GTSE1: variants seen among roughly 807,000 people sequenced by gnomAD.
GTSE1 encodes the protein G2 and S phase-expressed protein 1.
GTSE1 carries 52 observed loss-of-function variants against 60.5 expected under a neutral mutation model. The ratio of observed to expected loss-of-function variants is 0.86; its 90% CI spans 0.69 to 1.08. The LOEUF (loss-of-function observed/expected upper bound fraction) is 1.08. GTSE1 is among the 50% of genes least tolerant of loss of function. The pLI is 0.00. For synonymous variants in GTSE1, 368 were observed against 386.5 expected (o/e 0.95, Z 0.56); for missense variants, 937 against 961.8 (o/e 0.97, Z 0.34).
intron 8 of GTSE1, among the ~76,000 whole-genome samples, 176 bp from the exon 9 acceptor site, chr22:46,326,260 G>C (rs765003259): frequency 2.0e-4 from 30 of 152,184 alleles, no homozygotes; most frequent in African/African-American, 6.5e-4. Flanking sequence ...GTAGCAGCTC[G>C]GAGCCTTGCC....
intron 2 of GTSE1, among the ~76,000 whole-genome samples, chr22:46,303,696 T>G (rs542765696): frequency 6.6e-6 from 1 of 152,342 alleles, no homozygotes; most frequent in East Asian, 1.9e-4. Context: ...GGTGTGCTAT[T>G]CATGAGCATT....
At chr22:46,303,196 G>A (rs180819631) in intron 2 of GTSE1, among the ~76,000 whole-genome samples, 25 of 152,056 alleles carry the variant, frequency 1.6e-4, no homozygotes, top group East Asian at 1.5e-3. Flanking sequence ...CACCCTGCCC[G>A]GTCTACTTTC....
intron 2 of GTSE1, among the ~76,000 whole-genome samples, chr22:46,305,008 G>T (rs1312208991): frequency 6.6e-6 from 1 of 152,206 alleles, no homozygotes; most frequent in Non-Finnish European, 1.5e-5. Flanking sequence ...TTATGCTGAT[G>T]TAAGTAAGGC....
chr22:46,312,386 T>C, intron 5 of GTSE1, 81 bp downstream of exon 5: 1 of 1,412,220 alleles, frequency 7.1e-7, no homozygotes, highest in Non-Finnish European at 9.6e-7. Flanking sequence ...TGGATTAAAA[T>C]CCCAGCATTT....
At chr22:46,302,550 C>T (rs900359733) in intron 2 of GTSE1, among the ~76,000 whole-genome samples, 2 of 151,966 alleles carry the variant, frequency 1.3e-5, no homozygotes, top group African/African-American at 2.4e-5. Flanking sequence ...TTTGTACAGA[C>T]AAGGTCTCCC....
chr22:46,303,014 A>G (rs1419531442), intron 2 of GTSE1, among the ~76,000 whole-genome samples: 2 of 148,862 alleles, frequency 1.3e-5, no homozygotes, highest in African/African-American at 5.0e-5. Context: ...ATTCTTCTGC[A>G]TCAGCCTCCC....
Position 46,327,918 on chromosome 22 carries a change from G to T in GTSE1, c.1725-770G>T, listed in dbSNP as rs927148410. ...TGCCAAAGAGAAAATGAGAAACAAG[G>T]CCTCACTGAAAACACCAGATCTGAT... On this transcript the variant is annotated intron_variant, in intron 9 of 11. Transcript: ENST00000454366. Among the ~76,000 whole-genome samples, 22 of 152,172 alleles carry T rather than the reference G, an allele frequency of 1.4e-4. 1 individual carries two copies. The highest frequency in any genetic ancestry group is 3.9e-4 in the African/African-American group (16 of 41,442).
rs528383028 is a variant in GTSE1 at position 46,309,071 on chromosome 22, G to A, written c.762+128G>A. ...TGAGGCCTACAAAACACAGGAATGCGGAGTCCAGGAAAAGCAGTTGCCAAT... is the reference window on the plus strand; with the variant it reads ...TGAGGCCTACAAAACACAGGAATGCAGAGTCCAGGAAAAGCAGTTGCCAAT... On this transcript the variant is annotated intron_variant, in intron 4 of 11. Transcript: ENST00000454366. This position sits in a 1 kb window ranked among gnomAD's most constrained non-coding sequence, Gnocchi z 6.2. 2.2e-5 allele frequency: 23 copies of A among 1,062,674 alleles called. No individual in the cohort carries two copies. Among genetic ancestry groups the A allele is most frequent in the South Asian group, 3.4e-5 (2 of 59,470 alleles). The allele number at this position is 1,062,674 out of a possible 1,614,324, so 65.8% of individuals were successfully genotyped here.
rs2077866106 is a variant in GTSE1 at position 46,329,852 on chromosome 22, G to C, written c.2137-195G>C. On this transcript the variant is annotated intron_variant, in intron 11 of 11. Coordinates refer to ENST00000454366, the MANE Select transcript of GTSE1 (RefSeq NM_016426.7). The surrounding 1 kb of genome is among the most constrained non-coding windows in gnomAD (Gnocchi z 6.4). ...TGGGACAGAGGAATGTGCATGGTGG[G>C]GGCCTGGGCTTCTCCGTGTGTGTCC... Among the ~76,000 whole-genome samples the C allele has an allele frequency of 6.6e-6, 1 of 152,216 alleles. No individual in the cohort carries two copies. Among genetic ancestry groups the C allele is most frequent in the Non-Finnish European group, 1.5e-5 (1 of 68,040 alleles).
At chr22:46,323,622 G>C (rs539145882) in intron 8 of GTSE1, among the ~76,000 whole-genome samples, 1 of 152,338 alleles carries the variant, frequency 6.6e-6, no homozygotes, top group East Asian at 1.9e-4. Flanking sequence ...ATTTCCTAAA[G>C]CTCCTGGGTG....
At chr22:46,326,756 T>A in intron 9 of GTSE1, 102 bp downstream of exon 9, 1 of 731,412 alleles carries the variant, frequency 1.4e-6, no homozygotes, top group Non-Finnish European at 2.2e-6. Flanking sequence ...TTTAGTGAAG[T>A]AAATAGTATT....
rs1480723902 is a variant in GTSE1 at position 46,321,623 on chromosome 22, G to C, written c.1433-1567G>C. ...TGAAGAATGCGGAGGTAGCAATGTG[G>C]GTGCGTGATTTAGAAATGAGTGAAG... is the stretch of plus-strand genomic sequence containing the variant. On this transcript the variant is annotated intron_variant, in intron 7 of 11. Coordinates refer to ENST00000454366, the MANE Select transcript of GTSE1 (RefSeq NM_016426.7). The surrounding 1 kb of genome is among the most constrained non-coding windows in gnomAD (Gnocchi z 4.0). Among the ~76,000 whole-genome samples, 2 of 152,186 alleles carry C rather than the reference G, an allele frequency of 1.3e-5. No individual in the cohort carries two copies. Among genetic ancestry groups the C allele is most frequent in the African/African-American group, 4.8e-5 (2 of 41,440 alleles).
rs115946841 is a variant in GTSE1, at chr22:46,309,932, G to A, written c.762+989G>A. On this transcript the variant is annotated intron_variant, in intron 4 of 11. Coordinates refer to ENST00000454366, the MANE Select transcript of GTSE1 (RefSeq NM_016426.7). This position sits in a 1 kb window ranked among gnomAD's most constrained non-coding sequence, Gnocchi z 6.2. ...GGGACAGGGATTGTGCATGTAGCAC[G>A]CGTGGACTCGGGGAGAGAGGTGGTG... Among the ~76,000 whole-genome samples the A allele has an allele frequency of 0.012, 1,789 of 152,330 alleles. 42 individuals are homozygous for A. Among genetic ancestry groups the A allele is most frequent in the African/African-American group, 0.041 (1,695 of 41,570 alleles).
rs533395709 is a variant in GTSE1, at chr22:46,320,361, C to T, written c.1433-2829C>T. On this transcript the variant is annotated intron_variant, in intron 7 of 11. Coordinates refer to ENST00000454366, the MANE Select transcript of GTSE1 (RefSeq NM_016426.7). This position sits in a 1 kb window ranked among gnomAD's most constrained non-coding sequence, Gnocchi z 7.1. The stretch of plus-strand genomic sequence containing the variant: ...GCTGGGAACAGGACTGTCTCTTGCA[C>T]GCCTTTGGTCATTCATCAGGGTCAA... 5.3e-5 allele frequency among the ~76,000 whole-genome samples: 8 copies of T among 152,212 alleles called. No individual in the cohort carries two copies. Among genetic ancestry groups the T allele is most frequent in the African/African-American group, 9.7e-5 (4 of 41,444 alleles).
rs1179526562 is a variant in GTSE1 at position 46,320,642 on chromosome 22, C to G, written c.1433-2548C>G. On this transcript the variant is annotated intron_variant, in intron 7 of 11. Coordinates refer to ENST00000454366, the MANE Select transcript of GTSE1 (RefSeq NM_016426.7). This position sits in a 1 kb window ranked among gnomAD's most constrained non-coding sequence, Gnocchi z 7.1. ...CATATGTGCACTTTCTCAAAATACT[C>G]GAGGCAAGCAGCATTCTTTGTAAAA... Among the ~76,000 whole-genome samples the G allele has an allele frequency of 6.6e-6, 1 of 152,220 alleles. No homozygotes were observed. The highest frequency in any genetic ancestry group is 1.5e-5 in the Non-Finnish European group (1 of 68,048).
chr22:46,322,609 T>TGACC, intron 7 of GTSE1, among the ~76,000 whole-genome samples: 1 of 152,178 alleles, frequency 6.6e-6, no homozygotes, highest in East Asian at 1.9e-4. Context: ...CGGTAACTGG[T>TGACC]GACCCCTTTG....
At position 46,328,841 on chromosome 22, in the gene GTSE1, A is replaced by G; in HGVS notation, c.1878A>G (p.Glu626=). Residue 626 remains glutamate (E), a synonymous_variant, in exon 10 of 12, where the codon GAA becomes GAG. Transcript: ENST00000454366. ...CTTTCTCCAAAAGTACTGCCACAGA[A>G]GTAGCTCGGGAGGAAGCCAAGCCGG... ...DSTFSKSTAT[E]VAREEAKPGG... is the part of the protein sequence containing the mutation. 2 of 1,614,078 alleles carry G rather than the reference A, an allele frequency of 1.2e-6. No individual in the cohort carries two copies. Among genetic ancestry groups the G allele is most frequent in the Non-Finnish European group, 1.7e-6 (2 of 1,180,026 alleles).
At position 46,329,219 on chromosome 22, in the gene GTSE1, T is replaced by C. The variant is rs934618172; in HGVS notation, c.1927-139T>C. The C allele has an allele frequency of 3.9e-6, 3 of 765,536 alleles. No individual in the cohort carries two copies. Among genetic ancestry groups the C allele is most frequent in the Non-Finnish European group, 6.9e-6 (3 of 436,236 alleles). The allele number at this position is 765,536 out of a possible 1,614,324, so 47.4% of individuals were successfully genotyped here. A position where few individuals can be genotyped will look rare whatever the true frequency, so the allele number is the denominator to read the frequency against. ...GGCACGGCCCACCCCATACAGAGCC[T>C]CCTTCCACCAAGGCCCCGCCTGATT... On this transcript the variant is annotated intron_variant, in intron 10 of 11. Coordinates refer to ENST00000454366, the MANE Select transcript of GTSE1 (RefSeq NM_016426.7). The surrounding 1 kb of genome is among the most constrained non-coding windows in gnomAD (Gnocchi z 6.4).
At position 46,297,372 on chromosome 22, in the gene GTSE1, C is replaced by G; in HGVS notation, c.-21-8C>G. The G allele has an allele frequency of 6.5e-7, 1 of 1,542,850 alleles. No homozygotes were observed. The highest frequency in any genetic ancestry group is 9.0e-7 in the Non-Finnish European group (1 of 1,115,224). On this transcript the variant is annotated splice_polypyrimidine_tract_variant and splice_region_variant and intron_variant, in intron 1 of 11. Coordinates refer to ENST00000454366, the MANE Select transcript of GTSE1 (RefSeq NM_016426.7). This position sits in a 1 kb window ranked among gnomAD's most constrained non-coding sequence, Gnocchi z 4.9. Reference sequence around the variant, plus strand: ...GTACTCACTTTCTGGCCCCGTTCCACCCTGCAGTGACTTCTGACAGCTCTC... The same window carrying G: ...GTACTCACTTTCTGGCCCCGTTCCAGCCTGCAGTGACTTCTGACAGCTCTC...
Sources: gnomAD v4.1 joint callset for allele counts (sites outside exome capture counted in the v4.1 genomes callset) on GRCh38, gnomAD v4.1.1 for gene constraint, Gnocchi (gnomAD v3.1) non-coding constraint, MANE v1.5 for transcripts, NCBI Gene and HGNC (gene_info 2026-07-23, HGNC 2026-07-21) for gene names.